Variants in ABTB2 observed in about 807,000 individuals in gnomAD.
ABTB2 encodes the protein ankyrin repeat and BTB/POZ domain-containing protein 2.
A neutral mutation model predicts 104.1 loss-of-function variants in ABTB2; 56 were observed. The observed-to-expected ratio is 0.54, with a 90% CI of 0.43 to 0.67. The LOEUF is 0.67. ABTB2 is among the 30% of genes least tolerant of loss of function. The pLI is 0.00. For missense variants in ABTB2, 1,279 were observed against 1,407.7 expected (o/e 0.91, Z 1.46); for synonymous variants, 606 against 608.2 (o/e 1.00, Z 0.05).
intron 1 of ABTB2, among the ~76,000 whole-genome samples, chr11:34,332,134 C>A (rs1217421058): frequency 6.6e-6 from 1 of 152,216 alleles, no homozygotes. Context: ...GGACCCAGAG[C>A]TCCTGAAGGG....
chr11:34,242,262 A>G (rs1277948670), intron 1 of ABTB2, among the ~76,000 whole-genome samples: 3 of 152,136 alleles, frequency 2.0e-5, no homozygotes, highest in African/African-American at 7.2e-5. Context: ...CTCCTGATCT[A>G]AGGCCTTATC....
At chr11:34,311,082 C>T (rs932586203) in intron 1 of ABTB2, among the ~76,000 whole-genome samples, 3 of 152,176 alleles carry the variant, frequency 2.0e-5, no homozygotes, top group Non-Finnish European at 4.4e-5. Context: ...AGTTTCTGAC[C>T]TTCTTGGCCT....
chr11:34,323,054 C>G (rs968641568), intron 1 of ABTB2, among the ~76,000 whole-genome samples: 1 of 152,118 alleles, frequency 6.6e-6, no homozygotes, highest in African/African-American at 2.4e-5. Flanking sequence ...TTACAGGCAC[C>G]TGCCACCATG....
intron 1 of ABTB2, among the ~76,000 whole-genome samples, chr11:34,333,626 C>T (rs1855157711): frequency 1.3e-5 from 2 of 152,162 alleles, no homozygotes; most frequent in South Asian, 4.1e-4. Context: ...CATCGTGGTG[C>T]TCACCTGTAA....
At chr11:34,314,408 C>T (rs1215016227) in intron 1 of ABTB2, among the ~76,000 whole-genome samples, 2 of 152,194 alleles carry the variant, frequency 1.3e-5, no homozygotes, top group East Asian at 3.9e-4. Flanking sequence ...CAAGGCTGAG[C>T]CAGCGCTTGG....
chr11:34,193,920 C>T (rs1444492355), intron 3 of ABTB2, among the ~76,000 whole-genome samples: 1 of 152,234 alleles, frequency 6.6e-6, no homozygotes, highest in African/African-American at 2.4e-5. Flanking sequence ...ACTGTCTCTT[C>T]TCCCAAACCA....
intron 5 of ABTB2, among the ~76,000 whole-genome samples, chr11:34,169,770 A>G (rs2955933): frequency 1.3e-5 from 2 of 150,264 alleles, no homozygotes; most frequent in African/African-American, 2.5e-5. Context: ...TGACTGCCCC[A>G]CCCCACACTC....
intron 1 of ABTB2, among the ~76,000 whole-genome samples, chr11:34,296,884 C>T (rs181721836): frequency 1.3e-5 from 2 of 152,270 alleles, no homozygotes; most frequent in Admixed American, 1.3e-4. Context: ...GTCCTCCAGG[C>T]TTCAGTTATG....
intron 1 of ABTB2, among the ~76,000 whole-genome samples, chr11:34,291,620 C>T (rs1482254710): frequency 4.6e-5 from 7 of 152,134 alleles, no homozygotes; most frequent in Non-Finnish European, 7.3e-5. Flanking sequence ...CTCAGCCTCC[C>T]GAGTAACTTG....
chr11:34,307,699 C>T (rs1854794403), intron 1 of ABTB2, among the ~76,000 whole-genome samples: 1 of 133,526 alleles, frequency 7.5e-6, no homozygotes, highest in Admixed American at 7.1e-5. Context: ...AGGTGACTCT[C>T]TGTTTTTTTT....
At chr11:34,202,435 G>A (rs1282376266) in intron 2 of ABTB2, among the ~76,000 whole-genome samples, 3 of 151,194 alleles carry the variant, frequency 2.0e-5, no homozygotes, top group African/African-American at 7.3e-5. Flanking sequence ...TATGGATCCT[G>A]GGCCAGAGTG....
intron 1 of ABTB2, among the ~76,000 whole-genome samples, chr11:34,219,423 T>C (rs1853588389): frequency 6.6e-6 from 1 of 152,022 alleles, no homozygotes; most frequent in African/African-American, 2.4e-5. Flanking sequence ...CATGCAGCTG[T>C]GGTCCCAGCT....
intron 1 of ABTB2, among the ~76,000 whole-genome samples, chr11:34,346,313 G>A (rs1438189503): frequency 6.6e-6 from 1 of 151,788 alleles, no homozygotes; most frequent in Non-Finnish European, 1.5e-5. Flanking sequence ...AAATATCCAA[G>A]TCTGGGTAGG....
At chr11:34,299,754 A>G (rs1237687346) in intron 1 of ABTB2, among the ~76,000 whole-genome samples, 1 of 152,200 alleles carries the variant, frequency 6.6e-6, no homozygotes, top group Non-Finnish European at 1.5e-5. Context: ...GGGGCTCCCA[A>G]TCTGCACTCC....
chr11:34,181,789 C>T (rs1381286208), intron 3 of ABTB2, among the ~76,000 whole-genome samples: 1 of 152,206 alleles, frequency 6.6e-6, no homozygotes, highest in East Asian at 1.9e-4. Context: ...CCTGCAAGCA[C>T]CCTGGGAGTC....
At chr11:34,164,447 C>T (rs1179377341) in intron 9 of ABTB2, among the ~76,000 whole-genome samples, 8 of 152,192 alleles carry the variant, frequency 5.3e-5, no homozygotes, top group African/African-American at 1.4e-4. Flanking sequence ...CTGCCCTGGG[C>T]GTCGGGAGGC....
rs35340521 is a variant in ABTB2, at chr11:34,338,542, C to CAAA, written c.883+18156_883+18158dup. 4.8e-3 allele frequency among the ~76,000 whole-genome samples: 657 copies of CAAA among 135,842 alleles called. 8 individuals are homozygous for CAAA. The highest frequency in any genetic ancestry group is 0.015 in the African/African-American group (574 of 37,642). 89.1% of individuals were successfully genotyped at this position (135,842 alleles called of 152,430 possible). On this transcript the variant is annotated intron_variant, in intron 1 of 16. Transcript: ENST00000435224. ...TGAAACCCCATCTCTACTAAAAGTA[C>CAAA]AAAAAAAAAAAAAATTAGCCGGGCG...
chr11:34,293,002 G>C (rs928834787), intron 1 of ABTB2, among the ~76,000 whole-genome samples: 2 of 152,158 alleles, frequency 1.3e-5, no homozygotes, highest in Non-Finnish European at 2.9e-5. Context: ...GTTTTGAGGA[G>C]CAAGAGTGGG....
At chr11:34,248,136 T>C in intron 1 of ABTB2, among the ~76,000 whole-genome samples, 1 of 116,760 alleles carries the variant, frequency 8.6e-6, no homozygotes, top group East Asian at 2.4e-4. Flanking sequence ...GGTCTTGCCC[T>C]GTCACCCAGG....
Sources: allele counts gnomAD v4.1 joint callset (sites outside exome capture counted in the v4.1 genomes callset), GRCh38; gene constraint gnomAD v4.1.1; transcripts MANE v1.5; gene names NCBI Gene and HGNC (gene_info 2026-07-23, HGNC 2026-07-21).